The following HSPA12A variants were observed in gnomAD, a reference collection of about 807,000 sequenced individuals.
HSPA12A encodes heat shock protein family A (Hsp70) member 12A, also known as heat shock 70 kDa protein 12A.
A neutral mutation model predicts 69.2 loss-of-function variants in HSPA12A; 28 were observed. That is an observed-to-expected ratio of 0.40 (90% CI 0.30 to 0.55). The LOEUF is 0.55. Ranked by LOEUF, HSPA12A falls within the 20% of genes least tolerant of loss-of-function variation. The pLI is 0.38. For synonymous variants in HSPA12A, 345 were observed against 370.5 expected (o/e 0.93, Z 0.79); for missense variants, 686 against 900.7 (o/e 0.76, Z 3.05).
chr10:116,790,934 G>C (rs551481235), intron 2 of HSPA12A, among the ~76,000 whole-genome samples: 1 of 152,134 alleles, frequency 6.6e-6, no homozygotes, highest in Non-Finnish European at 1.5e-5. Context: ...CAAGTGATCC[G>C]CCCGCCTTGG....
Position 116,672,920 on chromosome 10 carries a change from C to T in HSPA12A, c.*1861G>A, listed in dbSNP as rs1191098660. ...CACACTCTAAGTTCTGTGGTTTGTT[C>T]GTTGTTTCACATTCTAGTAGGGAAT... On this transcript the variant is annotated 3_prime_UTR_variant, in exon 12 of 12. Coordinates refer to ENST00000369209, the MANE Select transcript of HSPA12A (RefSeq NM_025015.3). The T allele has an allele frequency of 1.3e-5, 2 of 152,540 alleles. No homozygotes were observed. Among genetic ancestry groups the T allele is most frequent in the African/African-American group, 4.8e-5 (2 of 41,408 alleles). The allele number at this position is 152,540 out of a possible 1,614,324, so 9.4% of individuals were successfully genotyped here. A position where few individuals can be genotyped will look rare whatever the true frequency, so the allele number is the denominator to read the frequency against.
intron 2 of HSPA12A, among the ~76,000 whole-genome samples, chr10:116,816,391 C>T (rs774168638): frequency 9.2e-5 from 14 of 152,362 alleles, no homozygotes; most frequent in East Asian, 3.9e-4. Context: ...AGAATGTTGG[C>T]CATGTGCCAG....
At chr10:116,776,756 A>G (rs1466506354) in intron 2 of HSPA12A, among the ~76,000 whole-genome samples, 1 of 152,238 alleles carries the variant, frequency 6.6e-6, no homozygotes, top group Non-Finnish European at 1.5e-5. Context: ...CAATGCTTAA[A>G]ACTCTAAAAA....
At chr10:116,786,303 G>A (rs187689956) in intron 2 of HSPA12A, among the ~76,000 whole-genome samples, 460 of 152,278 alleles carry the variant, frequency 3.0e-3, no homozygotes, top group Non-Finnish European at 5.1e-3. Context: ...AATTTGGTGG[G>A]GAAACAGGCT....
At chr10:116,733,821 C>T (rs1242099754) in intron 1 of HSPA12A, among the ~76,000 whole-genome samples, 1 of 152,138 alleles carries the variant, frequency 6.6e-6, no homozygotes, top group Non-Finnish European at 1.5e-5. Context: ...TATAAATACA[C>T]TCAGTCCTCA....
At chr10:116,849,409 T>C (rs766691658) in intron 1 of HSPA12A, 315 of 1,051,334 alleles carry the variant, frequency 3.0e-4, no homozygotes, top group Non-Finnish European at 3.8e-4. Context: ...AATACCATCC[T>C]AGCTCCAATA....
upstream of HSPA12A, among the ~76,000 whole-genome samples, chr10:116,743,390 G>C (rs1851576649): frequency 6.6e-6 from 1 of 152,352 alleles, no homozygotes; most frequent in South Asian, 2.1e-4. Context: ...CTTGGCAAAC[G>C]AGGGCAGTAA....
At chr10:116,849,726 C>T in exon 1 of HSPA12A, 3 of 1,521,606 alleles carry the variant, frequency 2.0e-6, no homozygotes, top group Non-Finnish European at 2.6e-6. Flanking sequence ...CGTCTACGGG[C>T]ACCTGGTAGG....
intron 10 of HSPA12A, among the ~76,000 whole-genome samples, chr10:116,677,217 T>C (rs1554877854): frequency 6.6e-6 from 1 of 152,240 alleles, no homozygotes; most frequent in Non-Finnish European, 1.5e-5. Flanking sequence ...GAAAGCGCTC[T>C]GGAAACTTTC....
chr10:116,804,491 C>T lies in HSPA12A; in HGVS notation c.91+30444G>A, dbSNP rs78658889. On this transcript the variant is annotated intron_variant, in intron 2 of 12. Transcript: ENST00000635765. ...ACCCTCCCCGAGTCCCTGAGATTCTCGGCCAACTCCACTCCAGGTCTCTAC... is the reference window on the plus strand; with the variant it reads ...ACCCTCCCCGAGTCCCTGAGATTCTTGGCCAACTCCACTCCAGGTCTCTAC... Among the ~76,000 whole-genome samples, 311 of 152,164 alleles carry T rather than the reference C, an allele frequency of 2.0e-3. 2 individuals are homozygous for T. Among genetic ancestry groups the T allele is most frequent in the African/African-American group, 7.1e-3 (294 of 41,510 alleles).
intron 2 of HSPA12A, among the ~76,000 whole-genome samples, chr10:116,808,379 C>A (rs1447107884): frequency 6.6e-6 from 1 of 152,150 alleles, no homozygotes; most frequent in African/African-American, 2.4e-5. Flanking sequence ...GGTGACATCA[C>A]TTCCTCCTCT....
At chr10:116,764,129 G>T (rs1164304383) in intron 2 of HSPA12A, among the ~76,000 whole-genome samples, 1 of 152,098 alleles carries the variant, frequency 6.6e-6, no homozygotes, top group African/African-American at 2.4e-5. Flanking sequence ...CCAAGGCAGT[G>T]GTGAATTTCC....
At chr10:116,843,661 G>A (rs1845837169) in intron 1 of HSPA12A, among the ~76,000 whole-genome samples, 2 of 152,164 alleles carry the variant, frequency 1.3e-5, no homozygotes, top group Admixed American at 6.5e-5. Flanking sequence ...CATTCCTGGG[G>A]GAAGGCTTCA....
At chr10:116,732,756 T>C (rs1356104383) in intron 1 of HSPA12A, among the ~76,000 whole-genome samples, 2 of 152,254 alleles carry the variant, frequency 1.3e-5, no homozygotes, top group Non-Finnish European at 2.9e-5. Context: ...CATGAATTTG[T>C]TAACGGCAAG....
intron 2 of HSPA12A, among the ~76,000 whole-genome samples, chr10:116,792,652 T>A: frequency 6.9e-6 from 1 of 145,158 alleles, no homozygotes; most frequent in East Asian, 2.0e-4. Context: ...CCAGGCATGG[T>A]AGTGTGCACC....
chr10:116,845,590 A>G (rs1845867863), intron 1 of HSPA12A, among the ~76,000 whole-genome samples: 1 of 152,042 alleles, frequency 6.6e-6, no homozygotes, highest in Admixed American at 6.6e-5. Context: ...GAACACTCTA[A>G]ATCTCCTGAG....
chr10:116,676,121 CTT>C (rs1158538446), intron 11 of HSPA12A, among the ~76,000 whole-genome samples: 1 of 152,372 alleles, frequency 6.6e-6, no homozygotes, highest in Non-Finnish European at 1.5e-5. Context: ...AATTCTTCCT[CTT>C]TGTCATTACC....
exon 2 of HSPA12A, chr10:116,834,964 C>T: frequency 8.1e-7 from 1 of 1,231,702 alleles, no homozygotes; most frequent in East Asian, 3.2e-5. Context: ...CCTTGAATCA[C>T]ACTTCATTTT....
In HSPA12A at chr10:116,683,835, T is replaced by C. The variant is rs1369964805; in HGVS notation, c.791A>G (p.Asn264Ser). The C allele has an allele frequency of 6.9e-6, 11 of 1,594,194 alleles. No individual in the cohort carries two copies. Among genetic ancestry groups the C allele is most frequent in the South Asian group, 1.1e-5 (1 of 89,714 alleles). The change falls in exon 7 of 12, where the codon AAT becomes AGT. Residue 264 changes from asparagine to serine, a missense_variant. Transcript: ENST00000369209. ...TACTGTGTCACTGCCGCTGTACCCA[T>C]TGACGGCTGCCTTGCTGCTCAGCTC... Reference protein sequence around the residue: ...MIELSSKAAVNGYSGSDTVGA... With the variant: ...MIELSSKAAVSGYSGSDTVGA...
Sources: allele counts gnomAD v4.1 joint callset (sites outside exome capture counted in the v4.1 genomes callset), GRCh38; gene constraint gnomAD v4.1.1; transcripts MANE v1.5; gene names NCBI Gene and HGNC (gene_info 2026-07-23, HGNC 2026-07-21).